SMOC2: variants seen among roughly 807,000 people sequenced by gnomAD.
SMOC2 encodes the protein SPARC-related modular calcium-binding protein 2.
SMOC2 carries 39 observed loss-of-function variants against 61.4 expected under a neutral mutation model. The ratio of observed to expected loss-of-function variants is 0.64; its 90% CI spans 0.49 to 0.83. The LOEUF (loss-of-function observed/expected upper bound fraction) is 0.83. Among genes scored for constraint, SMOC2 ranks in the 40% least tolerant of loss-of-function variants. The pLI is 0.00. For missense variants in SMOC2, 556 were observed against 592.9 expected (o/e 0.94, Z 0.65); for synonymous variants, 247 against 239.9 (o/e 1.03, Z -0.27).
intron 7 of SMOC2, among the ~76,000 whole-genome samples, chr6:168,563,973 C>G (rs1173474211): frequency 6.6e-6 from 1 of 152,144 alleles, no homozygotes; most frequent in Non-Finnish European, 1.5e-5. Context: ...TTAAAGCACA[C>G]CCTGGAGTAG....
rs868133518 is a variant in SMOC2 at position 168,652,935 on chromosome 6, G to A, written c.1011-19G>A. On this transcript the variant is annotated intron_variant, in intron 10 of 12. Coordinates refer to ENST00000356284, the MANE Select transcript of SMOC2 (RefSeq NM_001166412.2). ...GCCCAGGGGTTTAAGCATCCTGACG[G>A]CATCTGTGTTCCTTCCAGGCTCTCA... 4.4e-6 allele frequency: 7 copies of A among 1,609,128 alleles called. No individual in the cohort carries two copies. The highest frequency in any genetic ancestry group is 5.9e-6 in the Non-Finnish European group (7 of 1,177,772).
intron 7 of SMOC2, among the ~76,000 whole-genome samples, chr6:168,566,525 C>T (rs1784545441): frequency 6.7e-6 from 1 of 148,566 alleles, no homozygotes; most frequent in Non-Finnish European, 1.5e-5. Flanking sequence ...CTCTGTTGCC[C>T]AGGCTGGAGT....
intron 7 of SMOC2, among the ~76,000 whole-genome samples, chr6:168,580,570 C>T (rs1397978323): frequency 6.6e-6 from 1 of 152,210 alleles, no homozygotes; most frequent in Non-Finnish European, 1.5e-5. Flanking sequence ...GAGACAGGGT[C>T]TCACTCTGTC....
chr6:168,517,299 G>C (rs1169669468), intron 2 of SMOC2, among the ~76,000 whole-genome samples: 1 of 152,212 alleles, frequency 6.6e-6, no homozygotes, highest in East Asian at 1.9e-4. Flanking sequence ...CGGCGCCGTG[G>C]CCTGGCTGTG....
intron 9 of SMOC2, among the ~76,000 whole-genome samples, chr6:168,613,401 A>T (rs1053735068): frequency 2.6e-5 from 4 of 152,148 alleles, no homozygotes; most frequent in African/African-American, 7.2e-5. Context: ...GAGCCTGGGC[A>T]TGGCCCCTCT....
At chr6:168,608,111 G>T (rs1035874172) in intron 8 of SMOC2, 46 bp from the exon 9 acceptor site, 5 of 1,559,114 alleles carry the variant, frequency 3.2e-6, no homozygotes, top group Admixed American at 3.6e-5. Context: ...CTGGTCTCAA[G>T]CCCGTTGTTT....
chr6:168,586,162 T>C (rs908960986), intron 7 of SMOC2, among the ~76,000 whole-genome samples: 9 of 152,132 alleles, frequency 5.9e-5, no homozygotes, highest in Non-Finnish European at 1.3e-4. Flanking sequence ...AATAAATTTG[T>C]GTGTGTGGTG....
chr6:168,644,749 A>G (rs1786981682), intron 9 of SMOC2, among the ~76,000 whole-genome samples: 1 of 147,950 alleles, frequency 6.8e-6, no homozygotes, highest in South Asian at 2.1e-4. Flanking sequence ...TCCCAGGTTC[A>G]AGTGATTCTC....
intron 9 of SMOC2, among the ~76,000 whole-genome samples, chr6:168,631,124 G>C (rs1786557766): frequency 6.6e-6 from 1 of 152,094 alleles, no homozygotes; most frequent in South Asian, 2.1e-4. Flanking sequence ...ATAAAAACTT[G>C]CTGGTTTTTG....
chr6:168,612,553 G>T (rs4464761), intron 9 of SMOC2, among the ~76,000 whole-genome samples: 4 of 141,776 alleles, frequency 2.8e-5, no homozygotes, highest in South Asian at 2.4e-4. Flanking sequence ...AAACAGCAGC[G>T]CTGGGTTCGT....
chr6:168,639,349 G>A (rs906975613), intron 9 of SMOC2, among the ~76,000 whole-genome samples: 6 of 152,044 alleles, frequency 3.9e-5, no homozygotes, highest in South Asian at 4.2e-4. Flanking sequence ...CATAGTTTAC[G>A]AAAAAGAAAA....
chr6:168,651,006 G>A (rs1271523558), intron 10 of SMOC2, among the ~76,000 whole-genome samples: 1 of 152,352 alleles, frequency 6.6e-6, no homozygotes, highest in South Asian at 2.1e-4. Flanking sequence ...GCCCTGAGCC[G>A]TGACTCCTGG....
intron 2 of SMOC2, among the ~76,000 whole-genome samples, chr6:168,516,601 G>A (rs908566413): frequency 1.3e-5 from 2 of 151,546 alleles, no homozygotes; most frequent in Admixed American, 1.3e-4. Context: ...TCAGCAAAGC[G>A]GCTGGGACTC....
chr6:168,516,858 G>A (rs1205436243), intron 2 of SMOC2, among the ~76,000 whole-genome samples: 1 of 152,190 alleles, frequency 6.6e-6, no homozygotes, highest in East Asian at 1.9e-4. Flanking sequence ...GGAGGCTGAG[G>A]CAGGGGAATC....
At position 168,505,105 on chromosome 6, in the gene SMOC2, CTG is replaced by C. The variant is rs1186020110; in HGVS notation, c.85-4809_85-4808del. Among the ~76,000 whole-genome samples the C allele has an allele frequency of 5.1e-4, 77 of 150,618 alleles. 1 individual carries two copies. The highest frequency in any genetic ancestry group is 9.0e-4 in the Non-Finnish European group (61 of 67,946). ...CCAGGTGAATCAGTGAATGAAATGT[CTG>C]CCTCTCAGATGCCAGATGAATGACT... On this transcript the variant is annotated intron_variant, in intron 1 of 12. Coordinates refer to ENST00000356284, the MANE Select transcript of SMOC2 (RefSeq NM_001166412.2).
rs764697383 is a variant in SMOC2, at chr6:168,650,729, C to T, written c.956C>T (p.Ala319Val). ...KHEFLTSVLD[A>V]LSTDMVHAAS... ...GAGTTTCTGACCAGCGTTCTGGACG[C>T]GCTGTCCACGGACATGGTCCACGCC... The change falls in exon 10 of 13, where the codon GCG becomes GTG. Residue 319 changes from alanine (A) to valine (V), a missense_variant. Physicochemically the swap from Ala to Val is moderately conservative, Grantham distance 64 (BLOSUM62 0). Transcript: ENST00000356284. The T allele has an allele frequency of 2.0e-5, 33 of 1,613,656 alleles. No homozygotes were observed. Among genetic ancestry groups the T allele is most frequent in the African/African-American group, 9.3e-5 (7 of 74,946 alleles).
chr6:168,539,602 TGA>T (rs1223495666), intron 4 of SMOC2, among the ~76,000 whole-genome samples: 1 of 152,234 alleles, frequency 6.6e-6, no homozygotes, highest in Non-Finnish European at 1.5e-5. Context: ...GGCTGCTGCC[TGA>T]GAGAGTCCTG....
At chr6:168,537,710 C>T (rs532749520) in intron 4 of SMOC2, among the ~76,000 whole-genome samples, 46 of 152,316 alleles carry the variant, frequency 3.0e-4, no homozygotes, top group Non-Finnish European at 5.3e-4. Context: ...CATATGCCCT[C>T]GGTCCTCTGG....
chr6:168,499,440 C>T (rs1443752328), intron 1 of SMOC2, among the ~76,000 whole-genome samples: 1 of 152,174 alleles, frequency 6.6e-6, no homozygotes, highest in Non-Finnish European at 1.5e-5. Context: ...CAGTAAAGGT[C>T]GGAGTTTATC....
Sources: gnomAD v4.1 joint callset for allele counts (sites outside exome capture counted in the v4.1 genomes callset) on GRCh38, gnomAD v4.1.1 for gene constraint, MANE v1.5 for transcripts, NCBI Gene and HGNC (gene_info 2026-07-23, HGNC 2026-07-21) for gene names.